The following GABRB2 variants were observed in gnomAD, a reference collection of about 807,000 sequenced individuals.
GABRB2 encodes the protein gamma-aminobutyric acid type A receptor subunit beta2.
A neutral mutation model predicts 54.7 loss-of-function variants in GABRB2; 16 were observed. The observed-to-expected ratio is 0.29, with a 90% CI of 0.20 to 0.44. GABRB2 has a LOEUF of 0.44. GABRB2 is among the 20% of genes least tolerant of loss of function. The pLI, the probability that GABRB2 is intolerant of heterozygous loss-of-function variation, is 1.00. For synonymous variants in GABRB2, 244 were observed against 233.8 expected (o/e 1.04, Z -0.40); for missense variants, 355 against 644.0 (o/e 0.55, Z 4.86).
chr5:161,421,401 T>A (rs967876925), intron 4 of GABRB2, among the ~76,000 whole-genome samples: 3 of 152,150 alleles, frequency 2.0e-5, no homozygotes, highest in Admixed American at 6.5e-5. Flanking sequence ...CCGCCACATG[T>A]TTACACACCT....
At chr5:161,364,490 A>G (rs1202936100) in intron 5 of GABRB2, among the ~76,000 whole-genome samples, 24 of 152,172 alleles carry the variant, frequency 1.6e-4, no homozygotes, top group Admixed American at 1.6e-3. Flanking sequence ...AAATGGTAAC[A>G]TTCCAAAACA....
At chr5:161,428,904 T>C (rs1348134580) in intron 4 of GABRB2, among the ~76,000 whole-genome samples, 1 of 152,074 alleles carries the variant, frequency 6.6e-6, no homozygotes, top group Non-Finnish European at 1.5e-5. Flanking sequence ...AACATGGATA[T>C]AAAGACTAAA....
In GABRB2 at chr5:161,545,257, G is replaced by A. The variant is rs575341945; in HGVS notation, c.207C>T (p.Ala69=). ...PVAVGMNIDI[A]SIDMVSEVNM... ...TGACTTCAGAAACCATATCGATGCT[G>A]GCAATGTCAATGTTCATCCCCACAG... The change falls in exon 3 of 10, where the codon GCC becomes GCT. Residue 69 remains alanine (A), a synonymous_variant. Coordinates refer to ENST00000393959, the MANE Select transcript of GABRB2 (RefSeq NM_001371727.1). 7 of 1,608,748 alleles carry A rather than the reference G, an allele frequency of 4.4e-6. No individual in the cohort carries two copies. The South Asian group carries it at 7.8e-5, about 18-fold the overall frequency.
intron 5 of GABRB2, among the ~76,000 whole-genome samples, chr5:161,381,195 C>A (rs2113483391): frequency 6.6e-6 from 1 of 152,228 alleles, no homozygotes; most frequent in Non-Finnish European, 1.5e-5. Context: ...GTCACTTCAA[C>A]TTTTTGAGCC....
rs911883935 is a variant in GABRB2 at position 161,374,833 on chromosome 5, T to C, written c.541+36142A>G. Among the ~76,000 whole-genome samples the C allele has an allele frequency of 2.6e-5, 4 of 152,270 alleles. No individual in the cohort carries two copies. In the Middle Eastern group the frequency reaches 0.01, roughly 388 times the overall value. ...TATATTTATTAGTTTGTTATCTGCT[T>C]CCTCTATTACAGTATTATCTCCTTA... is the stretch of plus-strand genomic sequence containing the variant. On this transcript the variant is annotated intron_variant, in intron 5 of 9. Transcript: ENST00000393959.
chr5:161,399,513 T>C (rs1301797898), intron 5 of GABRB2, among the ~76,000 whole-genome samples: 2 of 152,114 alleles, frequency 1.3e-5, no homozygotes, highest in East Asian at 1.9e-4. Context: ...GCTAGAGCAG[T>C]GACTACTTTA....
chr5:161,458,447 C>T (rs1242084495), intron 4 of GABRB2, among the ~76,000 whole-genome samples: 2 of 152,142 alleles, frequency 1.3e-5, no homozygotes, highest in African/African-American at 4.8e-5. Flanking sequence ...CCTTGAAGGC[C>T]AAATGCCTTT....
intron 9 of GABRB2, among the ~76,000 whole-genome samples, chr5:161,311,502 C>G (rs1032969351): frequency 1.3e-4 from 20 of 152,256 alleles, no homozygotes; most frequent in African/African-American, 4.3e-4. Flanking sequence ...AATTTCTGTA[C>G]GTAAAAGTGA....
chr5:161,309,547 C>CACAT (rs1488150889), intron 9 of GABRB2, among the ~76,000 whole-genome samples: 6 of 152,032 alleles, frequency 3.9e-5, no homozygotes, highest in Admixed American at 1.3e-4. Context: ...ATTATAAAGA[C>CACAT]ACATGCACAT....
At chr5:161,357,034 G>A (rs543586706) in intron 5 of GABRB2, among the ~76,000 whole-genome samples, 100 of 152,292 alleles carry the variant, frequency 6.6e-4, no homozygotes, top group African/African-American at 2.3e-3. Flanking sequence ...CATTTTAGCA[G>A]GGGGAGATGG....
intron 5 of GABRB2, among the ~76,000 whole-genome samples, chr5:161,343,093 C>T (rs1754220037): frequency 6.6e-6 from 1 of 152,070 alleles, no homozygotes; most frequent in East Asian, 1.9e-4. Context: ...CAGATACACA[C>T]TTCTCAGTCA....
In GABRB2 at chr5:161,440,412, G is replaced by A. The variant is rs746887159; in HGVS notation, c.458+19212C>T. On this transcript the variant is annotated intron_variant, in intron 4 of 9. Transcript: ENST00000393959. ...AAATGAAAGAAGGTATTCCATGCCAGCGGAAACCAAAACAGAGCAGTAGTA... is the reference window on the plus strand; with the variant it reads ...AAATGAAAGAAGGTATTCCATGCCAACGGAAACCAAAACAGAGCAGTAGTA... Among the ~76,000 whole-genome samples, 65 of 152,204 alleles carry A rather than the reference G, an allele frequency of 4.3e-4. 1 individual carries two copies. The highest frequency in any genetic ancestry group is 3.9e-4 in the Admixed American group (6 of 15,276).
chr5:161,502,429 G>A (rs1281006340), intron 3 of GABRB2, among the ~76,000 whole-genome samples: 3 of 152,058 alleles, frequency 2.0e-5, no homozygotes, highest in Non-Finnish European at 4.4e-5. Flanking sequence ...TATCTTGGAT[G>A]AGCAATACGA....
chr5:161,291,827 C>G lies in GABRB2; in HGVS notation c.*2254G>C, dbSNP rs1757245419. On this transcript the variant is annotated 3_prime_UTR_variant, in exon 10 of 10. Coordinates refer to ENST00000393959, the MANE Select transcript of GABRB2 (RefSeq NM_001371727.1). Reference sequence around the variant, plus strand: ...CTCTAGAAGAGCCTTTTCAGAATGGCATTTTGGAGTTGTGCCCCTGAGTTA... The same window carrying G: ...CTCTAGAAGAGCCTTTTCAGAATGGGATTTTGGAGTTGTGCCCCTGAGTTA... The G allele has an allele frequency of 6.6e-6, 1 of 152,582 alleles. No homozygotes were observed. The highest frequency in any genetic ancestry group is 2.1e-4 in the South Asian group (1 of 4,828). 9.5% of individuals were successfully genotyped at this position (152,582 alleles called of 1,614,324 possible). A position where few individuals can be genotyped will look rare whatever the true frequency, so the allele number is the denominator to read the frequency against.
At chr5:161,390,000 G>A (rs1755770819) in intron 5 of GABRB2, among the ~76,000 whole-genome samples, 1 of 151,972 alleles carries the variant, frequency 6.6e-6, no homozygotes, top group Admixed American at 6.6e-5. Context: ...ATTTCATAGG[G>A]CTGTTTGACA....
At chr5:161,386,800 C>A (rs1386387312) in intron 5 of GABRB2, among the ~76,000 whole-genome samples, 1 of 139,870 alleles carries the variant, frequency 7.1e-6, no homozygotes, top group Non-Finnish European at 1.5e-5. Flanking sequence ...GCTGGTATTG[C>A]AGGCATGAGC....
At chr5:161,543,731 A>G (rs150054865) in intron 3 of GABRB2, among the ~76,000 whole-genome samples, 1 of 152,308 alleles carries the variant, frequency 6.6e-6, no homozygotes, top group East Asian at 1.9e-4. Flanking sequence ...ATATAAACTG[A>G]TAAAAGACCT....
intron 3 of GABRB2, among the ~76,000 whole-genome samples, chr5:161,512,486 A>C (rs548958881): frequency 6.6e-6 from 1 of 152,224 alleles, no homozygotes; most frequent in Non-Finnish European, 1.5e-5. Context: ...CTACTCAATA[A>C]ATGGTGCTGG....
intron 4 of GABRB2, among the ~76,000 whole-genome samples, chr5:161,453,400 A>G (rs1170002762): frequency 2.0e-5 from 3 of 152,168 alleles, no homozygotes; most frequent in African/African-American, 7.2e-5. Context: ...TGGTAGTGGG[A>G]GAAAGAGCCT....
Sources: gnomAD v4.1 joint callset for allele counts (sites outside exome capture counted in the v4.1 genomes callset) on GRCh38, gnomAD v4.1.1 for gene constraint, MANE v1.5 for transcripts, NCBI Gene and HGNC (gene_info 2026-07-23, HGNC 2026-07-21) for gene names.